Variants in PCDH15 observed in about 807,000 individuals in gnomAD.
The protein encoded by PCDH15 is protocadherin-15.
Under a neutral mutation model 178.5 loss-of-function variants are expected in PCDH15, and 129 were observed. That is an observed-to-expected ratio of 0.72 (90% CI 0.63 to 0.84). The LOEUF (loss-of-function observed/expected upper bound fraction) is 0.84, where lower values mean the gene tolerates loss of function less well. Among genes scored for constraint, PCDH15 ranks in the 40% least tolerant of loss-of-function variants. The pLI is 0.00. For missense variants in PCDH15, 2,230 were observed against 2,099.9 expected (o/e 1.06, Z -1.21); for synonymous variants, 800 against 732.0 (o/e 1.09, Z -1.50).
At chr10:54,099,296 C>T (rs7075739) in intron 15 of PCDH15, among the ~76,000 whole-genome samples, 87,137 of 151,288 alleles carry the variant, frequency 0.58, 25,913 homozygotes, top group Middle Eastern at 0.67. Context: ...GTCGGGAGAT[C>T]GAGACCATCC....
intron 2 of PCDH15, among the ~76,000 whole-genome samples, chr10:54,905,362 A>C (rs1954701574): frequency 1.3e-5 from 2 of 152,126 alleles, no homozygotes; most frequent in African/African-American, 4.8e-5. Context: ...TTTCGCTGAA[A>C]TGTATAAAAT....
At chr10:54,780,733 T>TAAAAAAAAAAAAAAAAAAAAA (rs35494053) in intron 1 of PCDH15, among the ~76,000 whole-genome samples, 1 of 114,330 alleles carries the variant, frequency 8.7e-6, no homozygotes, top group African/African-American at 3.2e-5. Flanking sequence ...AGCAATTGTG[T>TAAAAAAAAAAAAAAAAAAAAA]AAAAAAAAAA....
At chr10:55,381,261 A>T (rs1456121797) in intron 2 of PCDH15, among the ~76,000 whole-genome samples, 2 of 152,188 alleles carry the variant, frequency 1.3e-5, no homozygotes, top group Non-Finnish European at 2.9e-5. Context: ...TCAAACAATG[A>T]GGATGTAGAG....
chr10:54,052,469 G>T (rs2093798163), intron 18 of PCDH15, among the ~76,000 whole-genome samples: 1 of 152,178 alleles, frequency 6.6e-6, no homozygotes, highest in South Asian at 2.1e-4. Context: ...TTGGATTTTG[G>T]ACTTGCATTG....
At chr10:54,386,162 A>T (rs924691353) in intron 3 of PCDH15, among the ~76,000 whole-genome samples, 1 of 145,868 alleles carries the variant, frequency 6.9e-6, no homozygotes, top group Non-Finnish European at 1.5e-5. Flanking sequence ...TAGGGCAGGG[A>T]TGTCCAATAT....
At chr10:54,575,939 T>C (rs2090430012) in intron 2 of PCDH15, among the ~76,000 whole-genome samples, 1 of 152,196 alleles carries the variant, frequency 6.6e-6, no homozygotes, top group Non-Finnish European at 1.5e-5. Flanking sequence ...TTGCCCATGG[T>C]CATCAAAGTC....
intron 29 of PCDH15, among the ~76,000 whole-genome samples, chr10:53,834,221 G>A (rs1275852726): frequency 1.3e-5 from 2 of 152,130 alleles, no homozygotes; most frequent in Admixed American, 6.5e-5. Flanking sequence ...ACGAGAGAAA[G>A]TGGAATTCTT....
intron 25 of PCDH15, among the ~76,000 whole-genome samples, chr10:53,913,390 A>T (rs929076442): frequency 3.9e-5 from 6 of 151,988 alleles, no homozygotes; most frequent in African/African-American, 1.4e-4. Context: ...CTAAAACACC[A>T]AAAGCAATGG....
At chr10:54,483,252 T>C (rs1247196277) in intron 3 of PCDH15, among the ~76,000 whole-genome samples, 3 of 151,838 alleles carry the variant, frequency 2.0e-5, no homozygotes, top group Non-Finnish European at 4.4e-5. Context: ...ATTTGCAGGG[T>C]CTTTCTGGAG....
chr10:54,995,227 T>G (rs1330664156), intron 2 of PCDH15, among the ~76,000 whole-genome samples: 1 of 151,760 alleles, frequency 6.6e-6, no homozygotes, highest in African/African-American at 2.4e-5. Flanking sequence ...ATACCAAAAA[T>G]TAGCCAAGTG....
chr10:54,461,106 C>T lies in PCDH15; in HGVS notation c.157+66706G>A, dbSNP rs116123412. On this transcript the variant is annotated intron_variant, in intron 3 of 37. Transcript: ENST00000644397. ...CATATTAGCCAATGGTATTCATGCT[C>T]GACTATGCAATTCAGAAGCAACATC... Among the ~76,000 whole-genome samples the T allele has an allele frequency of 8.7e-3, 1,317 of 151,852 alleles. 16 individuals are homozygous for T. Among genetic ancestry groups the T allele is most frequent in the African/African-American group, 0.029 (1,184 of 41,444 alleles).
chr10:55,293,568 A>T (rs917467971), intron 1 of PCDH15, among the ~76,000 whole-genome samples: 3 of 152,182 alleles, frequency 2.0e-5, no homozygotes, highest in Non-Finnish European at 4.4e-5. Context: ...CCCAAGTCAC[A>T]TCTTGAACAC....
At chr10:55,520,035 CAT>C (rs1565217431) in intron 2 of PCDH15, among the ~76,000 whole-genome samples, 2 of 139,740 alleles carry the variant, frequency 1.4e-5, no homozygotes, top group East Asian at 4.2e-4. Flanking sequence ...ATATATATGC[CAT>C]ATATATACAT....
At chr10:53,883,747 A>C (rs1387026652) in intron 26 of PCDH15, among the ~76,000 whole-genome samples, 5 of 152,128 alleles carry the variant, frequency 3.3e-5, no homozygotes, top group Non-Finnish European at 7.3e-5. Context: ...ATGGAGTCTC[A>C]CTCTCTTGCC....
At chr10:54,379,181 T>C (rs972634988) in intron 3 of PCDH15, among the ~76,000 whole-genome samples, 4 of 152,116 alleles carry the variant, frequency 2.6e-5, no homozygotes, top group Non-Finnish European at 1.5e-5. Flanking sequence ...AGTTCCATCA[T>C]CCATTTTGTG....
At chr10:54,102,356 C>T (rs969800313) in intron 15 of PCDH15, among the ~76,000 whole-genome samples, 1 of 152,204 alleles carries the variant, frequency 6.6e-6, no homozygotes, top group Non-Finnish European at 1.5e-5. Flanking sequence ...GAGAAAAAGG[C>T]ATTTGCCAAG....
At chr10:53,833,994 T>C (rs2077160063) in intron 29 of PCDH15, among the ~76,000 whole-genome samples, 1 of 152,116 alleles carries the variant, frequency 6.6e-6, no homozygotes, top group African/African-American at 2.4e-5. Flanking sequence ...CAATAACTAA[T>C]AACAAAATAG....
At chr10:53,986,708 G>C (rs983296108) in intron 21 of PCDH15, among the ~76,000 whole-genome samples, 1 of 152,348 alleles carries the variant, frequency 6.6e-6, no homozygotes, top group Non-Finnish European at 1.5e-5. Flanking sequence ...ATTATGGTAA[G>C]TGAACTAAGC....
chr10:54,786,565 T>C (rs887559564), intron 1 of PCDH15, among the ~76,000 whole-genome samples: 6 of 152,024 alleles, frequency 3.9e-5, no homozygotes, highest in Admixed American at 1.3e-4. Context: ...TCTGATTTAT[T>C]CATTTAATAA....
Sources: allele counts gnomAD v4.1 joint callset (sites outside exome capture counted in the v4.1 genomes callset), GRCh38; gene constraint gnomAD v4.1.1; transcripts MANE v1.5; gene names NCBI Gene and HGNC (gene_info 2026-07-23, HGNC 2026-07-21).